The following CREG1 variants were observed in gnomAD, a reference collection of about 807,000 sequenced individuals.
CREG1 encodes the protein cellular repressor of E1A stimulated genes 1.
In CREG1, 20 loss-of-function variants were observed where a neutral mutation model predicts 19.9. The observed-to-expected ratio is 1.01, with a 90% CI of 0.71 to 1.46. The LOEUF is 1.46. CREG1 is among the 40% of genes most tolerant of loss of function. The pLI, the probability that CREG1 is intolerant of heterozygous loss-of-function variation, is 0.00. For synonymous variants in CREG1, 141 were observed against 143.3 expected, an observed-to-expected ratio of 0.98 and a Z score of 0.12; for missense variants, 290 against 314.9, an observed-to-expected ratio of 0.92 and a Z score of 0.60.
intron 3 of CREG1, among the ~76,000 whole-genome samples, chr1:167,542,661 T>C (rs1300115389): frequency 6.6e-6 from 1 of 152,152 alleles, no homozygotes; most frequent in Non-Finnish European, 1.5e-5. Context: ...AAGACAAAAA[T>C]AGTTGAGAAC....
Position 167,553,670 on chromosome 1 carries a change from C to T in CREG1, c.72G>A (p.Leu24=). Residue 24 remains leucine (L), a synonymous_variant, in exon 1 of 4, where the codon CTG becomes CTA. Transcript: ENST00000370509. ...AALLASTLLA[L]LVSPARGRGG... is the part of the protein sequence containing the mutation. ...CGCGACCCCGCGCGGGCGACACGAG[C>T]AGCGCCAACAGCGTCGACGCCAGCA... 1.5e-6 allele frequency: 2 copies of T among 1,328,440 alleles called. No individual in the cohort carries two copies. Among genetic ancestry groups the T allele is most frequent in the South Asian group, 2.1e-5 (1 of 48,408 alleles). The allele number at this position is 1,328,440 out of a possible 1,614,324, so 82.3% of individuals were successfully genotyped here.
At chr1:167,546,035 T>C (rs7513428) in intron 3 of CREG1, 66 bp downstream of exon 3, 1,180,693 of 1,395,856 alleles carry the variant, frequency 0.85, 500,530 homozygotes, top group East Asian at 0.99. Flanking sequence ...AAACCCCCCT[T>C]GCCTTAGAAG....
At chr1:167,543,386 C>T (rs1268907667) in intron 3 of CREG1, among the ~76,000 whole-genome samples, 1 of 152,192 alleles carries the variant, frequency 6.6e-6, no homozygotes, top group Non-Finnish European at 1.5e-5. Context: ...TTCAGTTAAG[C>T]TCCGTATCAG....
At chr1:167,543,228 C>A (rs1656255794) in intron 3 of CREG1, among the ~76,000 whole-genome samples, 1 of 140,418 alleles carries the variant, frequency 7.1e-6, no homozygotes, top group African/African-American at 2.7e-5. Context: ...GCCTGAGCAA[C>A]AGAGTGAGAC....
At chr1:167,546,040 T>C in intron 3 of CREG1, 61 bp downstream of exon 3, 3 of 1,462,560 alleles carry the variant, frequency 2.1e-6, no homozygotes, top group Non-Finnish European at 2.8e-6. Context: ...CCCCTTGCCT[T>C]AGAAGGCTGA....
At chr1:167,550,512 A>C (rs1298190150) in intron 1 of CREG1, among the ~76,000 whole-genome samples, 1 of 152,126 alleles carries the variant, frequency 6.6e-6, no homozygotes, top group African/African-American at 2.4e-5. Flanking sequence ...AGGAATGAAG[A>C]GGAAGGGGCA....
In CREG1 at chr1:167,553,625, G is replaced by A. The variant is rs1656469788; in HGVS notation, c.117C>T (p.Asp39=). 1.5e-6 allele frequency: 2 copies of A among 1,362,150 alleles called. No homozygotes were observed. The highest frequency in any genetic ancestry group is 1.7e-5 in the South Asian group (1 of 57,448). The allele number at this position is 1,362,150 out of a possible 1,614,324, so 84.4% of individuals were successfully genotyped here. The stretch of plus-strand genomic sequence containing the variant: ...GCGGCAGCCGGGAGGCCTCGTCCCA[G>A]TCCCCGTGGTCCCGGCCGCCGCGAC... The part of the protein sequence containing the change: ...ARGRGGRDHG[D]WDEASRLPPL... The change falls in exon 1 of 4, where the codon GAC becomes GAT. Residue 39 remains aspartate, a synonymous_variant. Coordinates refer to ENST00000370509, the MANE Select transcript of CREG1 (RefSeq NM_003851.3).
At chr1:167,550,068 C>T (rs1243359884) in intron 1 of CREG1, among the ~76,000 whole-genome samples, 1 of 152,214 alleles carries the variant, frequency 6.6e-6, no homozygotes, top group Non-Finnish European at 1.5e-5. Flanking sequence ...CAGCTCACTG[C>T]AACCTCTGCC....
chr1:167,542,716 T>C (rs1656247236), intron 3 of CREG1, among the ~76,000 whole-genome samples: 1 of 152,186 alleles, frequency 6.6e-6, no homozygotes, highest in East Asian at 1.9e-4. Context: ...TGATTAGCCA[T>C]TGCCCAGTGA....
At position 167,541,335 on chromosome 1, in the gene CREG1, T is replaced by C. The variant is rs760723701; in HGVS notation, c.*963A>G. 6.6e-6 allele frequency: 1 copy of C among 152,234 alleles called. No individual in the cohort carries two copies. Among genetic ancestry groups the C allele is most frequent in the African/African-American group, 2.4e-5 (1 of 41,458 alleles). 9.4% of individuals were successfully genotyped at this position (152,234 alleles called of 1,614,324 possible). A position where few individuals can be genotyped will look rare whatever the true frequency, so the allele number is the denominator to read the frequency against. ...CTTCCCTCTGGTGACCTGACTTAGA[T>C]TGTAGCAGCACTAGAAGCTATTAAG... On this transcript the variant is annotated 3_prime_UTR_variant, in exon 4 of 4. Transcript: ENST00000370509.
Position 167,553,389 on chromosome 1 carries a change from T to G in CREG1, c.353A>C (p.Gln118Pro), listed in dbSNP as rs2102153879. The G allele has an allele frequency of 1.4e-6, 2 of 1,417,712 alleles. No individual in the cohort carries two copies. The highest frequency in any genetic ancestry group is 3.1e-5 in the East Asian group (1 of 32,758). The allele number at this position is 1,417,712 out of a possible 1,614,324, so 87.8% of individuals were successfully genotyped here. ...SPLQLSVSNL[Q>P]ENPYATLTMT... is the part of the protein sequence containing the mutation. ...GGGAAGCCGCGGGCCCCAGCTCACC[T>G]GCAGGTTGCTCACGGAGAGCTGCAG... Residue 118 changes from glutamine to proline, a missense_variant and splice_region_variant, in exon 1 of 4, where the codon CAG (glutamine) becomes CCG (proline). Coordinates refer to ENST00000370509, the MANE Select transcript of CREG1 (RefSeq NM_003851.3).
chr1:167,553,371 C>T lies in CREG1; in HGVS notation c.354+17G>A. On this transcript the variant is annotated intron_variant, in intron 1 of 3. Transcript: ENST00000370509. ...CCGCCCACAGCCCGCCTGGGGAAGCCGCGGGCCCCAGCTCACCTGCAGGTT... is the reference window on the plus strand; with the variant it reads ...CCGCCCACAGCCCGCCTGGGGAAGCTGCGGGCCCCAGCTCACCTGCAGGTT... 2 of 1,359,554 alleles carry T rather than the reference C, an allele frequency of 1.5e-6. No individual in the cohort carries two copies. Among genetic ancestry groups the T allele is most frequent in the Non-Finnish European group, 1.9e-6 (2 of 1,056,600 alleles). 84.2% of individuals were successfully genotyped at this position (1,359,554 alleles called of 1,614,324 possible).
chr1:167,553,566 G>A lies in CREG1; in HGVS notation c.176C>T (p.Ala59Val), dbSNP rs1656463018. 6.2e-6 allele frequency: 9 copies of A among 1,451,038 alleles called. No homozygotes were observed. The highest frequency in any genetic ancestry group is 1.3e-5 in the South Asian group (1 of 74,620). 89.9% of individuals were successfully genotyped at this position (1,451,038 alleles called of 1,614,324 possible). Residue 59 changes from alanine to valine, a missense_variant, in exon 1 of 4, where the codon GCC becomes GTC. By Grantham distance (64) the Ala-to-Val change is moderately conservative. Transcript: ENST00000370509. ...LPPREDAARVARFVTHVSDWG... is the reference protein window; with the variant it reads ...LPPREDAARVVRFVTHVSDWG... ...GTCGGAGACGTGCGTCACGAAGCGG[G>A]CCACGCGCGCCGCGTCCTCGCGGGG...
intron 3 of CREG1, among the ~76,000 whole-genome samples, chr1:167,543,340 G>A (rs972394078): frequency 6.6e-6 from 1 of 152,180 alleles, no homozygotes; most frequent in African/African-American, 2.4e-5. Flanking sequence ...CATGCTCATG[G>A]GGGCTTCACC....
rs1367528563 is a variant in CREG1 at position 167,548,140 on chromosome 1, G to C, written c.355-19C>G. ...GATTCTCCTATAGAGAGAAAATGAAGATCCTCTCATGTGAAATATGGTTTC... is the reference window on the plus strand; with the variant it reads ...GATTCTCCTATAGAGAGAAAATGAACATCCTCTCATGTGAAATATGGTTTC... On this transcript the variant is annotated intron_variant, in intron 1 of 3. Coordinates refer to ENST00000370509, the MANE Select transcript of CREG1 (RefSeq NM_003851.3). The C allele has an allele frequency of 3.8e-6, 6 of 1,573,638 alleles. 1 individual carries two copies. The Admixed American group carries it at 5.1e-5, about 13-fold the overall frequency.
rs1656460968 is a variant in CREG1 at position 167,553,509 on chromosome 1, T to A, written c.233A>T (p.Glu78Val). The change falls in exon 1 of 4, where the codon GAG becomes GTG. Residue 78 changes from glutamate (E) to valine (V), a missense_variant. Transcript: ENST00000370509. ...GGCGAAGGGCCGGCCGCGCACCGCC[T>A]CCAGCGTGGAGATGGTGGCCAGAGC... is the stretch of plus-strand genomic sequence containing the variant. ...WGALATISTL[E>V]AVRGRPFADV... 6.7e-7 allele frequency: 1 copy of A among 1,490,088 alleles called. No homozygotes were observed. The allele number at this position is 1,490,088 out of a possible 1,614,324, so 92.3% of individuals were successfully genotyped here.
chr1:167,544,890 C>A (rs1241714538), intron 3 of CREG1, among the ~76,000 whole-genome samples: 2 of 152,174 alleles, frequency 1.3e-5, no homozygotes, highest in East Asian at 3.8e-4. Context: ...CTTATCACCT[C>A]CCCAGATATG....
rs949695929 is a variant in CREG1 at position 167,550,919 on chromosome 1, G to GA, written c.354+2468dup. The stretch of plus-strand genomic sequence containing the variant: ...GGGATACTTATTTTAGTGGGTCAGA[G>GA]AAAAAAAACCAAGAGTGACCAGAAC... On this transcript the variant is annotated intron_variant, in intron 1 of 3. Coordinates refer to ENST00000370509, the MANE Select transcript of CREG1 (RefSeq NM_003851.3). 5.3e-5 allele frequency among the ~76,000 whole-genome samples: 8 copies of GA among 151,818 alleles called. No individual in the cohort carries two copies. The East Asian group carries it at 1.6e-3, about 29-fold the overall frequency.
At position 167,553,553 on chromosome 1, in the gene CREG1, C is replaced by A. The variant is rs1250324719; in HGVS notation, c.189G>T (p.Thr63=). 6.8e-7 allele frequency: 1 copy of A among 1,468,148 alleles called. No individual in the cohort carries two copies. Among genetic ancestry groups the A allele is most frequent in the East Asian group, 3.0e-5 (1 of 33,240 alleles). 90.9% of individuals were successfully genotyped at this position (1,468,148 alleles called of 1,614,324 possible). A position where few individuals can be genotyped will look rare whatever the true frequency, so the allele number is the denominator to read the frequency against. The change falls in exon 1 of 4, where the codon ACG becomes ACT. Residue 63 remains threonine (T), a synonymous_variant. Transcript: ENST00000370509. Reference sequence around the variant, plus strand: ...CCAGAGCGCCCCAGTCGGAGACGTGCGTCACGAAGCGGGCCACGCGCGCCG... The same window carrying A: ...CCAGAGCGCCCCAGTCGGAGACGTGAGTCACGAAGCGGGCCACGCGCGCCG... ...EDAARVARFV[T]HVSDWGALAT... is the part of the protein sequence containing the mutation.
Sources: gnomAD v4.1 joint callset for allele counts (sites outside exome capture counted in the v4.1 genomes callset) on GRCh38, gnomAD v4.1.1 for gene constraint, MANE v1.5 for transcripts, NCBI Gene and HGNC (gene_info 2026-07-23, HGNC 2026-07-21) for gene names.